TMEM272: variants seen among roughly 807,000 people sequenced by gnomAD.
TMEM272 encodes the protein long intergenic non-protein coding RNA 282.
A neutral mutation model predicts 3.7 loss-of-function variants in TMEM272; 8 were observed. The ratio of observed to expected loss-of-function variants is 2.17; its 90% confidence interval spans 1.27 to 3.91. The LOEUF (loss-of-function observed/expected upper bound fraction) is 3.91. Among genes scored for constraint, TMEM272 ranks in the 30% most tolerant of loss-of-function variants. TMEM272 has a pLI of 0.00. For synonymous variants in TMEM272, 63 were observed against 39.8 expected, an observed-to-expected ratio of 1.58 and a Z score of -2.20; for missense variants, 166 against 91.5, an observed-to-expected ratio of 1.81 and a Z score of -3.32.
At chr13:51,913,078 G>A in the TMEM272 span, among the ~76,000 whole-genome samples, 1 of 152,132 alleles carries the variant, frequency 6.6e-6, no homozygotes, top group Non-Finnish European at 1.5e-5. Context: ...ATAGATGAGT[G>A]GGCAAACTGC....
intron 4 of TMEM272, among the ~76,000 whole-genome samples, chr13:51,819,571 C>T (rs1956061712): frequency 6.6e-6 from 1 of 152,196 alleles, no homozygotes; most frequent in African/African-American, 2.4e-5. Context: ...CACCTGGCCC[C>T]CTTCTCTCCC....
the TMEM272 span, chr13:51,921,483 G>C: frequency 1.3e-5 from 2 of 152,288 alleles, no homozygotes; most frequent in African/African-American, 4.8e-5. Context: ...CAGTGTCTAA[G>C]CTCAGAGCAG....
chr13:51,923,101 G>A, the TMEM272 span, among the ~76,000 whole-genome samples: 13 of 152,304 alleles, frequency 8.5e-5, no homozygotes, highest in Middle Eastern at 3.4e-3. Flanking sequence ...ATCAGAGTCC[G>A]GTGATGGCAA....
chr13:51,865,988 G>T, the TMEM272 span: 2 of 1,613,864 alleles, frequency 1.2e-6, no homozygotes, highest in Admixed American at 3.3e-5. Flanking sequence ...GGAGAACAAT[G>T]GCCACATTGC....
chr13:51,896,034 G>A, the TMEM272 span, among the ~76,000 whole-genome samples: 1 of 152,166 alleles, frequency 6.6e-6, no homozygotes, highest in Non-Finnish European at 1.5e-5. Flanking sequence ...GACAATGCCT[G>A]CTTTCAAAAG....
chr13:51,847,437 C>T (rs1956312697), upstream of TMEM272, among the ~76,000 whole-genome samples: 1 of 152,190 alleles, frequency 6.6e-6, no homozygotes, highest in Admixed American at 6.5e-5. Flanking sequence ...CATGCCAAAA[C>T]CTTCCCCATC....
chr13:51,834,213 T>C (rs1418360562), intron 2 of TMEM272, among the ~76,000 whole-genome samples: 1 of 152,180 alleles, frequency 6.6e-6, no homozygotes, highest in Admixed American at 6.5e-5. Context: ...CGCACTTTTC[T>C]TCCAATAAAA....
chr13:51,832,230 G>A (rs1324708991), intron 2 of TMEM272, among the ~76,000 whole-genome samples: 1 of 152,174 alleles, frequency 6.6e-6, no homozygotes, highest in Non-Finnish European at 1.5e-5. Flanking sequence ...ATGGTAGCAG[G>A]TGTTAAAGAT....
the TMEM272 span, among the ~76,000 whole-genome samples, chr13:51,888,881 G>A: frequency 3.9e-5 from 6 of 151,956 alleles, no homozygotes; most frequent in African/African-American, 7.3e-5. Context: ...GCCTGACCTC[G>A]TGATCCACCC....
intron 1 of TMEM272, among the ~76,000 whole-genome samples, chr13:51,839,889 A>T (rs909802139): frequency 3.3e-5 from 5 of 152,194 alleles, no homozygotes; most frequent in African/African-American, 1.2e-4. Flanking sequence ...CTTATTTCCC[A>T]TCACTGTCCT....
chr13:51,875,879 G>T, the TMEM272 span, among the ~76,000 whole-genome samples: 1 of 152,106 alleles, frequency 6.6e-6, no homozygotes, highest in African/African-American at 2.4e-5. Flanking sequence ...TAGCCACAAA[G>T]ATCAGTGCAA....
chr13:51,927,230 T>C, the TMEM272 span, among the ~76,000 whole-genome samples: 1 of 152,066 alleles, frequency 6.6e-6, no homozygotes, highest in East Asian at 1.9e-4. Context: ...AATAAATAAA[T>C]AGACGATCCC....
intron 4 of TMEM272, among the ~76,000 whole-genome samples, chr13:51,820,356 A>G (rs1956068506): frequency 1.3e-5 from 2 of 152,182 alleles, no homozygotes; most frequent in African/African-American, 4.8e-5. Context: ...ATCACAGGCA[A>G]ACTTCTGCCT....
intron 4 of TMEM272, among the ~76,000 whole-genome samples, chr13:51,820,654 G>A (rs1956070976): frequency 6.6e-6 from 1 of 152,212 alleles, no homozygotes; most frequent in Non-Finnish European, 1.5e-5. Flanking sequence ...GACGATGAGT[G>A]AGAACAGGAG....
the TMEM272 span, among the ~76,000 whole-genome samples, chr13:51,864,334 C>A: frequency 5.9e-5 from 9 of 152,188 alleles, no homozygotes; most frequent in African/African-American, 2.2e-4. Context: ...CTTAGTCTCA[C>A]CTCCTCATCC....
At position 51,817,081 on chromosome 13, in the gene TMEM272, C is replaced by T. The variant is rs1427173494; in HGVS notation, c.234G>A (p.Met78Ile). ...VSLLLYDSTR[M>I]RRLLSKAVVI... Reference sequence around the variant, plus strand: ...CCACGGCCTTGGACAGCAGCCGCCTCATCCTGGTGGAGTCGTACAACAGGA... The same window carrying T: ...CCACGGCCTTGGACAGCAGCCGCCTTATCCTGGTGGAGTCGTACAACAGGA... Residue 78 changes from methionine (M) to isoleucine (I), a missense_variant, in exon 5 of 5, where the codon ATG becomes ATA. Transcript: ENST00000629372. 7.1e-6 allele frequency: 5 copies of T among 702,794 alleles called. No homozygotes were observed. Among genetic ancestry groups the T allele is most frequent in the Non-Finnish European group, 1.3e-5 (5 of 384,938 alleles). The allele number at this position is 702,794 out of a possible 1,614,324, so 43.5% of individuals were successfully genotyped here.
At chr13:51,899,263 T>C in the TMEM272 span, among the ~76,000 whole-genome samples, 1 of 152,086 alleles carries the variant, frequency 6.6e-6, no homozygotes, top group Admixed American at 6.6e-5. Context: ...TACAATAGCA[T>C]CTAGAAGAAA....
the TMEM272 span, chr13:51,921,733 C>G: frequency 6.6e-6 from 1 of 152,432 alleles, no homozygotes; most frequent in African/African-American, 2.4e-5. Flanking sequence ...GCTCTACCTT[C>G]AAGCCGTCAG....
At chr13:51,866,159 A>G in the TMEM272 span, 1 of 1,188,832 alleles carries the variant, frequency 8.4e-7, no homozygotes, top group Non-Finnish European at 1.2e-6. Context: ...CATGTGCTGG[A>G]GAAAATACAC....
Sources: allele counts gnomAD v4.1 joint callset (sites outside exome capture counted in the v4.1 genomes callset), GRCh38; gene constraint gnomAD v4.1.1; transcripts MANE v1.5; gene names NCBI Gene and HGNC (gene_info 2026-07-23, HGNC 2026-07-21).